SATB2: variants seen among roughly 807,000 people sequenced by gnomAD.
The protein encoded by SATB2 is SATB homeobox 2.
SATB2 carries 1 observed loss-of-function variant against 73.4 expected under a neutral mutation model. The observed-to-expected ratio is 0.01, with a 90% CI of 0.00 to 0.06. The LOEUF (loss-of-function observed/expected upper bound fraction) is 0.06. Among genes scored for constraint, SATB2 ranks in the 10% least tolerant of loss-of-function variants. The pLI is 1.00. For synonymous variants in SATB2, 397 were observed against 367.0 expected, an observed-to-expected ratio of 1.08 and a Z score of -0.93; for missense variants, 459 against 945.8, an observed-to-expected ratio of 0.49 and a Z score of 6.75.
In SATB2 at chr2:199,269,648, T is replaced by C. The variant is rs1327592713; in HGVS notation, c.*2563A>G. The C allele has an allele frequency of 6.6e-6, 1 of 151,764 alleles. No individual in the cohort carries two copies. Among genetic ancestry groups the C allele is most frequent in the African/African-American group, 2.4e-5 (1 of 41,102 alleles). 9.4% of individuals were successfully genotyped at this position (151,764 alleles called of 1,614,324 possible). A position where few individuals can be genotyped will look rare whatever the true frequency, so the allele number is the denominator to read the frequency against. On this transcript the variant is annotated 3_prime_UTR_variant, in exon 11 of 11. Coordinates refer to ENST00000417098, the MANE Select transcript of SATB2 (RefSeq NM_001172509.2). ...AACATTTACAATATGTTAATCCTTA[T>C]TCACATTGTTGATACCGCAATAAAA... is the stretch of plus-strand genomic sequence containing the variant.
intron 10 of SATB2, among the ~76,000 whole-genome samples, chr2:199,281,416 T>C (rs1692490337): frequency 6.6e-6 from 1 of 151,812 alleles, no homozygotes; most frequent in Admixed American, 6.6e-5. Context: ...ACCCAAAGCT[T>C]CAGGTCCTGT....
intron 5 of SATB2, among the ~76,000 whole-genome samples, chr2:199,373,984 C>T (rs1269071900): frequency 6.6e-6 from 1 of 152,208 alleles, no homozygotes; most frequent in Non-Finnish European, 1.5e-5. Flanking sequence ...TGAGCACATG[C>T]TCAATTTGTT....
At chr2:199,446,784 TCCC>T (rs1346540547) in intron 2 of SATB2, among the ~76,000 whole-genome samples, 1 of 152,156 alleles carries the variant, frequency 6.6e-6, no homozygotes, top group Non-Finnish European at 1.5e-5. Flanking sequence ...TTGATATACA[TCCC>T]ACTCTAAAAG....
intron 9 of SATB2, among the ~76,000 whole-genome samples, chr2:199,315,726 T>TA (rs1198305136): frequency 2.0e-5 from 3 of 152,126 alleles, no homozygotes; most frequent in Non-Finnish European, 2.9e-5. Flanking sequence ...CACAAGTTCA[T>TA]AGCCTGCTCT....
In SATB2 at chr2:199,328,945, C is replaced by T. The variant is rs775344432; in HGVS notation, c.1174-35G>A. 1.1e-5 allele frequency: 17 copies of T among 1,534,358 alleles called. No individual in the cohort carries two copies. In the Admixed American group the frequency reaches 2.9e-4, roughly 26 times the overall value. ...TGGGGGAAAAAAACAGACCAAGTCACATTTGCAGGTATATGTGTGTGGTTT... is the reference window on the plus strand; with the variant it reads ...TGGGGGAAAAAAACAGACCAAGTCATATTTGCAGGTATATGTGTGTGGTTT... On this transcript the variant is annotated intron_variant, in intron 7 of 10. Transcript: ENST00000417098.
At chr2:199,340,951 C>T (rs900527277) in intron 7 of SATB2, among the ~76,000 whole-genome samples, 3 of 128,464 alleles carry the variant, frequency 2.3e-5, no homozygotes, top group African/African-American at 7.5e-5. Context: ...ATTGGATTTT[C>T]AAATAAATTA....
chr2:199,382,322 C>T (rs994848057), intron 3 of SATB2, among the ~76,000 whole-genome samples: 3 of 152,318 alleles, frequency 2.0e-5, no homozygotes, highest in East Asian at 1.9e-4. Flanking sequence ...AGTTAGAGTT[C>T]GCTCCCATAT....
rs1333077167 is a variant in SATB2, at chr2:199,380,393, T to A, written c.568A>T (p.Thr190Ser). 20 of 1,613,880 alleles carry A rather than the reference T, an allele frequency of 1.2e-5. No homozygotes were observed. Among genetic ancestry groups the A allele is most frequent in the Non-Finnish European group, 1.6e-5 (19 of 1,179,848 alleles). Residue 190 changes from threonine (T) to serine (S), a missense_variant, in exon 5 of 11, where the codon ACA (threonine) becomes TCA (serine). Physicochemically the swap from Thr to Ser is moderately conservative, Grantham distance 58. Around this residue, in one of 13 missense-constraint regions of SATB2, gnomAD observed 56 missense variants for 183.7 expected, o/e 0.30. Transcript: ENST00000417098. ...GAGAGAGGGCATTCTTTGGCTAATG[T>A]GCTCTGGTTCATCTCTTTGAGCAGT... ...KELLKEMNQS[T>S]LAKECPLSQS...
chr2:199,404,747 T>C (rs1392444148), intron 3 of SATB2, among the ~76,000 whole-genome samples: 1 of 152,220 alleles, frequency 6.6e-6, no homozygotes, highest in South Asian at 2.1e-4. Context: ...CAATTCAACA[T>C]TTTAAATTTT....
intron 9 of SATB2, among the ~76,000 whole-genome samples, chr2:199,317,348 G>T (rs1451769818): frequency 1.3e-5 from 2 of 152,050 alleles, no homozygotes; most frequent in South Asian, 2.1e-4. Context: ...AAGAACCACA[G>T]TTTAACTCGA....
At chr2:199,355,907 G>C (rs186424874) in intron 6 of SATB2, among the ~76,000 whole-genome samples, 1 of 152,142 alleles carries the variant, frequency 6.6e-6, no homozygotes. Flanking sequence ...TATCAATACT[G>C]CAAAAAAGAT....
rs994838645 is a variant in SATB2 at position 199,277,266 on chromosome 2, G to T, written c.1741-4594C>A. On this transcript the variant is annotated intron_variant, in intron 10 of 10. Transcript: ENST00000417098. ...TGACCTGTGTGTTTGTTAAAAGGAT[G>T]TGTGTATGTCTAAAAGATTATCAAA... Among the ~76,000 whole-genome samples the T allele has an allele frequency of 8.5e-5, 13 of 152,274 alleles. No homozygotes were observed. In the South Asian group the frequency reaches 2.5e-3, roughly 29 times the overall value.
chr2:199,341,351 T>C (rs989157343), intron 7 of SATB2, among the ~76,000 whole-genome samples: 1 of 152,198 alleles, frequency 6.6e-6, no homozygotes, highest in Non-Finnish European at 1.5e-5. Context: ...ACAGACACTA[T>C]GTGCATCACT....
At chr2:199,293,732 G>C (rs138029307) in intron 10 of SATB2, among the ~76,000 whole-genome samples, 2 of 152,116 alleles carry the variant, frequency 1.3e-5, no homozygotes, top group Non-Finnish European at 2.9e-5. Context: ...TTCGCTTTTG[G>C]TATTCAGTCT....
At chr2:199,410,336 T>C (rs1366912009) in intron 3 of SATB2, among the ~76,000 whole-genome samples, 1 of 152,220 alleles carries the variant, frequency 6.6e-6, no homozygotes, top group African/African-American at 2.4e-5. Context: ...TTCTGTGTGC[T>C]AAATTCTGTG....
At chr2:199,319,663 T>C (rs1687831012) in intron 9 of SATB2, among the ~76,000 whole-genome samples, 1 of 151,984 alleles carries the variant, frequency 6.6e-6, no homozygotes. Context: ...CCCTACTCTA[T>C]TTTTACCCAA....
At chr2:199,349,370 G>T (rs1271387917) in intron 6 of SATB2, among the ~76,000 whole-genome samples, 197 bp from the exon 7 acceptor site, 1 of 152,076 alleles carries the variant, frequency 6.6e-6, no homozygotes, top group Non-Finnish European at 1.5e-5. Flanking sequence ...TGGAACATAT[G>T]AAAGAAAGTA....
chr2:199,285,733 A>G (rs556693675), intron 10 of SATB2, among the ~76,000 whole-genome samples: 89 of 151,850 alleles, frequency 5.9e-4, no homozygotes, highest in South Asian at 1.7e-3. Flanking sequence ...TAAAAAAAAA[A>G]AGAGAGAGAG....
At chr2:199,452,762 ATAT>A (rs1692164345) in intron 2 of SATB2, among the ~76,000 whole-genome samples, 3 of 152,084 alleles carry the variant, frequency 2.0e-5, no homozygotes, top group Admixed American at 2.0e-4. Flanking sequence ...TTTTAAAGAG[ATAT>A]TAGCCTTTTT....
Sources: allele counts gnomAD v4.1 joint callset (sites outside exome capture counted in the v4.1 genomes callset), GRCh38; gene constraint gnomAD v4.1.1; regional missense constraint gnomAD v4.1.1; transcripts MANE v1.5; gene names NCBI Gene and HGNC (gene_info 2026-07-23, HGNC 2026-07-21).